The following SLC16A9 variants were observed in gnomAD, a reference collection of about 807,000 sequenced individuals.
The protein encoded by SLC16A9 is monocarboxylate transporter 9.
In SLC16A9, 26 loss-of-function variants were observed where a neutral mutation model predicts 44.3. That is an observed-to-expected ratio of 0.59 (90% CI 0.43 to 0.81). The LOEUF is 0.81. Ranked by LOEUF, SLC16A9 falls within the 40% of genes least tolerant of loss-of-function variation. The pLI is 0.00. For synonymous variants in SLC16A9, 230 were observed against 225.1 expected, an observed-to-expected ratio of 1.02 and a Z score of -0.19; for missense variants, 559 against 595.8, an observed-to-expected ratio of 0.94 and a Z score of 0.64.
In SLC16A9 at chr10:59,664,263, C is replaced by T. The variant is rs145829924; in HGVS notation, c.400G>A (p.Asp134Asn). 76 of 1,612,342 alleles carry T rather than the reference C, an allele frequency of 4.7e-5. No individual in the cohort carries two copies. The African/African-American group carries it at 8.9e-4, about 19-fold the overall frequency. Residue 134 changes from aspartate to asparagine, a missense_variant, in exon 4 of 6, where the codon GAT becomes AAT. Physicochemically the swap from Asp to Asn is conservative, Grantham distance 23. Transcript: ENST00000395348. ...TVTITCQYFD[D>N]RRGLALGLIS... ...AGGCCAAGCGCTAGGCCTCGGCGATCGTCAAAATACTGGCACGTAATGGTC... is the reference window on the plus strand; with the variant it reads ...AGGCCAAGCGCTAGGCCTCGGCGATTGTCAAAATACTGGCACGTAATGGTC...
rs1840721662 is a variant in SLC16A9 at position 59,709,627 on chromosome 10, G to C, written c.-185C>G. 3.9e-5 allele frequency: 6 copies of C among 152,402 alleles called. No individual in the cohort carries two copies. The highest frequency in any genetic ancestry group is 2.6e-4 in the Admixed American group (4 of 15,290). 9.4% of individuals were successfully genotyped at this position (152,402 alleles called of 1,614,324 possible). ...GCGGCTATTTATCCGAGCCAGCTGC[G>C]GCCCCGGCCCCTGCCGGAGTATTAG... is the stretch of plus-strand genomic sequence containing the variant. On this transcript the variant is annotated 5_prime_UTR_variant, in exon 1 of 6. Coordinates refer to ENST00000395348, the MANE Select transcript of SLC16A9 (RefSeq NM_194298.3).
chr10:59,696,956 C>T (rs1158138842), intron 1 of SLC16A9, among the ~76,000 whole-genome samples: 4 of 142,316 alleles, frequency 2.8e-5, no homozygotes, highest in African/African-American at 1.1e-4. Context: ...CCCGCCCGGC[C>T]AGCCGCCCCG....
At position 59,656,554 on chromosome 10, in the gene SLC16A9, A is replaced by G. The variant is rs771261074; in HGVS notation, c.437-1965T>C. On this transcript the variant is annotated intron_variant, in intron 4 of 5. Coordinates refer to ENST00000395348, the MANE Select transcript of SLC16A9 (RefSeq NM_194298.3). ...GGCTAGTTTCCTCAGCCTTCATCCC[A>G]CAAGAACATGTCTGTGGTTTAGAAA... Among the ~76,000 whole-genome samples the G allele has an allele frequency of 3.9e-4, 60 of 152,322 alleles. 2 individuals carry two copies. Among genetic ancestry groups the G allele is most frequent in the Middle Eastern group, 6.8e-3 (2 of 294 alleles).
intron 3 of SLC16A9, among the ~76,000 whole-genome samples, chr10:59,670,944 A>G (rs973690313): frequency 2.0e-5 from 3 of 152,200 alleles, no homozygotes; most frequent in African/African-American, 4.8e-5. Flanking sequence ...CAGGTCCCCA[A>G]TAATTACGGT....
At chr10:59,706,850 T>A (rs1217278354) in intron 1 of SLC16A9, among the ~76,000 whole-genome samples, 2 of 151,938 alleles carry the variant, frequency 1.3e-5, no homozygotes, top group Admixed American at 1.3e-4. Context: ...GGCACGCACC[T>A]GTAATGCCAG....
intron 4 of SLC16A9, among the ~76,000 whole-genome samples, chr10:59,662,973 A>G (rs1839516217): frequency 6.6e-6 from 1 of 152,218 alleles, no homozygotes; most frequent in African/African-American, 2.4e-5. Context: ...ATAAAGACAC[A>G]TGCACATGTA....
rs149837777 is a variant in SLC16A9, at chr10:59,701,071, G to A, written c.-37+8408C>T. Among the ~76,000 whole-genome samples, 939 of 152,212 alleles carry A rather than the reference G, an allele frequency of 6.2e-3. 10 individuals carry two copies. The highest frequency in any genetic ancestry group is 0.022 in the African/African-American group (893 of 41,508). On this transcript the variant is annotated intron_variant, in intron 1 of 5. Transcript: ENST00000395348. ...CAAGATCTCAACTGGATGTGCCCAGGCCCCTCAAACTCAATTCTTAATTTC... is the reference window on the plus strand; with the variant it reads ...CAAGATCTCAACTGGATGTGCCCAGACCCCTCAAACTCAATTCTTAATTTC...
intron 2 of SLC16A9, among the ~76,000 whole-genome samples, chr10:59,678,523 C>CTT (rs66495364): frequency 5.3e-4 from 41 of 77,228 alleles, no homozygotes; most frequent in Non-Finnish European, 8.1e-4. Context: ...TCCTACCAAT[C>CTT]TTTTTTTTTT....
chr10:59,654,668 T>C, intron 4 of SLC16A9, 79 bp from the exon 5 acceptor site: 5 of 1,190,100 alleles, frequency 4.2e-6, no homozygotes, highest in Non-Finnish European at 5.7e-6. Context: ...CAATTCAATT[T>C]ATTTTTTATA....
At chr10:59,676,161 C>A (rs962684475) in intron 2 of SLC16A9, among the ~76,000 whole-genome samples, 1 of 152,144 alleles carries the variant, frequency 6.6e-6, no homozygotes, top group Non-Finnish European at 1.5e-5. Flanking sequence ...AATTTATAAT[C>A]ACTTGGTGTT....
chr10:59,677,992 C>T (rs569388397), intron 2 of SLC16A9, among the ~76,000 whole-genome samples: 201 of 151,378 alleles, frequency 1.3e-3, no homozygotes, highest in African/African-American at 3.2e-3. Context: ...CCCACTAACT[C>T]GCCCTCTAGC....
chr10:59,694,368 G>C (rs1346481314), intron 1 of SLC16A9, among the ~76,000 whole-genome samples: 1 of 151,674 alleles, frequency 6.6e-6, no homozygotes, highest in Non-Finnish European at 1.5e-5. Flanking sequence ...TTGAAAGTAA[G>C]AAAAGAAAAA....
At chr10:59,658,324 A>G (rs1377826723) in intron 4 of SLC16A9, among the ~76,000 whole-genome samples, 1 of 150,958 alleles carries the variant, frequency 6.6e-6, no homozygotes, top group Non-Finnish European at 1.5e-5. Context: ...TAGCCTGACC[A>G]CCTGAGACAG....
At chr10:59,666,835 G>T (rs77403025) in intron 3 of SLC16A9, among the ~76,000 whole-genome samples, 7,638 of 141,350 alleles carry the variant, frequency 0.054, 234 homozygotes, top group Middle Eastern at 0.087. Flanking sequence ...ACAACTGACA[G>T]TAATTGTTAC....
At chr10:59,668,348 C>T (rs998091850) in intron 3 of SLC16A9, among the ~76,000 whole-genome samples, 3 of 152,154 alleles carry the variant, frequency 2.0e-5, no homozygotes, top group Non-Finnish European at 2.9e-5. Flanking sequence ...ACTTAGGCTA[C>T]TGAAATGTCC....
intron 4 of SLC16A9, among the ~76,000 whole-genome samples, chr10:59,656,860 G>A (rs1839360427): frequency 6.6e-6 from 1 of 152,152 alleles, no homozygotes; most frequent in African/African-American, 2.4e-5. Context: ...AGGGTTAAGT[G>A]AAATAAAGCA....
chr10:59,701,741 G>C lies in SLC16A9; in HGVS notation c.-37+7738C>G, dbSNP rs140630617. Among the ~76,000 whole-genome samples the C allele has an allele frequency of 2.0e-5, 3 of 152,244 alleles. No homozygotes were observed. The South Asian group carries it at 6.2e-4, about 32-fold the overall frequency. On this transcript the variant is annotated intron_variant, in intron 1 of 5. Transcript: ENST00000395348. ...CTGTGCCCCCCAACCCACAGCTCAC[G>C]ACTCAGCATTTTAGCTATGCTCCCT... is the stretch of plus-strand genomic sequence containing the variant.
At chr10:59,667,246 A>G (rs1411083372) in intron 3 of SLC16A9, among the ~76,000 whole-genome samples, 1 of 152,198 alleles carries the variant, frequency 6.6e-6, no homozygotes, top group Non-Finnish European at 1.5e-5. Flanking sequence ...AGGAATATCT[A>G]TAATTACCTG....
chr10:59,670,951 C>T (rs919557300), intron 3 of SLC16A9, among the ~76,000 whole-genome samples: 6 of 152,104 alleles, frequency 3.9e-5, no homozygotes, highest in Admixed American at 1.3e-4. Context: ...CCAATAATTA[C>T]GGTGGTGAGA....
Sources: gnomAD v4.1 joint callset for allele counts (sites outside exome capture counted in the v4.1 genomes callset) on GRCh38, gnomAD v4.1.1 for gene constraint, MANE v1.5 for transcripts, NCBI Gene and HGNC (gene_info 2026-07-23, HGNC 2026-07-21) for gene names.